The following MALRD1 variants were observed in gnomAD, a reference collection of about 807,000 sequenced individuals.
MALRD1 encodes the protein MAM and LDL receptor class A domain containing 1.
Under a neutral mutation model 242.1 loss-of-function variants are expected in MALRD1, and 247 were observed. That is an observed-to-expected ratio of 1.02 (90% CI 0.92 to 1.13). MALRD1 has a LOEUF of 1.13. Among genes scored for constraint, MALRD1 ranks in the 50% most tolerant of loss-of-function variants. The pLI, the probability that MALRD1 is intolerant of heterozygous loss-of-function variation, is 0.00. For missense variants in MALRD1, 2,989 were observed against 2,533.1 expected, an observed-to-expected ratio of 1.18 and a Z score of -3.86; for synonymous variants, 995 against 866.6, an observed-to-expected ratio of 1.15 and a Z score of -2.60.
intron 28 of MALRD1, among the ~76,000 whole-genome samples, chr10:19,442,534 G>A (rs1362982872): frequency 6.6e-6 from 1 of 152,136 alleles, no homozygotes; most frequent in Non-Finnish European, 1.5e-5. Context: ...AGGAAGGGCT[G>A]TTGAATTTTG....
At chr10:19,306,237 C>CTATAGTATAG (rs1842188671) in intron 21 of MALRD1, among the ~76,000 whole-genome samples, 1 of 131,312 alleles carries the variant, frequency 7.6e-6, no homozygotes, top group Non-Finnish European at 1.6e-5. Flanking sequence ...ATATACTATA[C>CTATAGTATAG]TATATATACT....
At chr10:19,125,938 C>G (rs1437671600) in intron 7 of MALRD1, among the ~76,000 whole-genome samples, 2 of 152,048 alleles carry the variant, frequency 1.3e-5, no homozygotes, top group African/African-American at 4.8e-5. Context: ...ATCAATTTTT[C>G]TTTTATTTAG....
At chr10:19,698,157 TATA>T (rs1484848353) in intron 38 of MALRD1, among the ~76,000 whole-genome samples, 1 of 152,206 alleles carries the variant, frequency 6.6e-6, no homozygotes, top group Non-Finnish European at 1.5e-5. Flanking sequence ...TATTAGTGCT[TATA>T]ATTTCTATAT....
chr10:19,603,147 T>C (rs1284043885), intron 34 of MALRD1, among the ~76,000 whole-genome samples: 8 of 152,110 alleles, frequency 5.3e-5, no homozygotes, highest in African/African-American at 9.7e-5. Flanking sequence ...GTAGGTTGCC[T>C]GTTCACTCTG....
At chr10:19,050,041 G>A (rs898601703) in intron 1 of MALRD1, among the ~76,000 whole-genome samples, 4 of 150,562 alleles carry the variant, frequency 2.7e-5, no homozygotes, top group African/African-American at 7.3e-5. Flanking sequence ...CCAGAGGCAC[G>A]AATTCTATTA....
chr10:19,499,582 C>T (rs776390364), intron 31 of MALRD1, among the ~76,000 whole-genome samples: 31 of 152,182 alleles, frequency 2.0e-4, no homozygotes, highest in Non-Finnish European at 4.0e-4. Flanking sequence ...TGGCAGCCTT[C>T]ATAATGTCAT....
chr10:19,446,725 T>G (rs1399069754), intron 28 of MALRD1, among the ~76,000 whole-genome samples: 2 of 152,352 alleles, frequency 1.3e-5, no homozygotes, highest in South Asian at 2.1e-4. Context: ...AAGGTTAAAT[T>G]ATGAGAAGAA....
intron 28 of MALRD1, among the ~76,000 whole-genome samples, chr10:19,425,706 A>G (rs1432837347): frequency 6.6e-6 from 1 of 152,168 alleles, no homozygotes; most frequent in East Asian, 1.9e-4. Flanking sequence ...GTAAGAGGGA[A>G]AAGAATTCCA....
chr10:19,217,128 T>A (rs970298121), intron 18 of MALRD1, among the ~76,000 whole-genome samples: 1 of 152,112 alleles, frequency 6.6e-6, no homozygotes, highest in African/African-American at 2.4e-5. Context: ...TTTTTGGACC[T>A]CCTCACTGAA....
At chr10:19,408,753 A>C (rs565482836) in intron 28 of MALRD1, among the ~76,000 whole-genome samples, 33 of 152,280 alleles carry the variant, frequency 2.2e-4, no homozygotes, top group African/African-American at 7.9e-4. Flanking sequence ...ATAGTGAAAA[A>C]AATTTAAATG....
intron 22 of MALRD1, among the ~76,000 whole-genome samples, chr10:19,325,278 G>A (rs566528983): frequency 2.6e-4 from 40 of 151,934 alleles, no homozygotes; most frequent in East Asian, 5.8e-4. Flanking sequence ...CCCTCTTAAC[G>A]AACCTCCATG....
intron 4 of MALRD1, among the ~76,000 whole-genome samples, chr10:19,101,511 T>C (rs1836253098): frequency 1.5e-5 from 2 of 136,378 alleles, no homozygotes; most frequent in South Asian, 4.6e-4. Flanking sequence ...CATATGTATA[T>C]CATTATATAA....
At chr10:19,721,069 G>T (rs547559111) in intron 38 of MALRD1, among the ~76,000 whole-genome samples, 1 of 151,766 alleles carries the variant, frequency 6.6e-6, no homozygotes, top group South Asian at 2.1e-4. Context: ...AGGATGAGAT[G>T]AAGTTAAAAA....
intron 7 of MALRD1, among the ~76,000 whole-genome samples, chr10:19,124,946 T>TTC (rs1181540008): frequency 1.6e-5 from 2 of 121,600 alleles, no homozygotes; most frequent in Non-Finnish European, 3.5e-5. Flanking sequence ...TTTTTTTTTT[T>TTC]TTTTTTTTTT....
chr10:19,158,805 TAATAA>T (rs1326597089), intron 12 of MALRD1, among the ~76,000 whole-genome samples: 3 of 152,200 alleles, frequency 2.0e-5, no homozygotes, highest in African/African-American at 7.2e-5. Context: ...TCCAGTATAA[TAATAA>T]CACTCTACAA....
intron 21 of MALRD1, among the ~76,000 whole-genome samples, chr10:19,290,877 G>T (rs1609614): frequency 0.17 from 26,209 of 152,018 alleles, 2,345 homozygotes; most frequent in African/African-American, 0.22. Flanking sequence ...CTCAGTTTGT[G>T]ATTTTATATG....
At chr10:19,542,341 A>G (rs1835007903) in intron 32 of MALRD1, among the ~76,000 whole-genome samples, 1 of 152,030 alleles carries the variant, frequency 6.6e-6, no homozygotes, top group African/African-American at 2.4e-5. Context: ...TATTTTCCTT[A>G]CAGAGTCTGG....
chr10:19,592,410 A>G (rs991091471), intron 33 of MALRD1, among the ~76,000 whole-genome samples: 2 of 152,230 alleles, frequency 1.3e-5, no homozygotes, highest in South Asian at 4.1e-4. Flanking sequence ...TCACCAGTCA[A>G]TGAATGGAGC....
At chr10:19,424,360 A>G (rs944904411) in intron 28 of MALRD1, among the ~76,000 whole-genome samples, 15 of 152,222 alleles carry the variant, frequency 9.9e-5, no homozygotes, top group African/African-American at 3.4e-4. Context: ...GGGTTTCGCC[A>G]TGTTGGCCAG....
Sources: allele counts gnomAD v4.1 joint callset (sites outside exome capture counted in the v4.1 genomes callset), GRCh38; gene constraint gnomAD v4.1.1; transcripts MANE v1.5; gene names NCBI Gene and HGNC (gene_info 2026-07-23, HGNC 2026-07-21).